The following PDLIM5 variants were observed in gnomAD, a reference collection of about 807,000 sequenced individuals.
PDLIM5 encodes PDZ and LIM domain 5.
A neutral mutation model predicts 64.2 loss-of-function variants in PDLIM5; 34 were observed. The observed-to-expected ratio is 0.53, with a 90% CI of 0.40 to 0.71. The LOEUF is 0.71. Among genes scored for constraint, PDLIM5 ranks in the 30% least tolerant of loss-of-function variants. PDLIM5 has a pLI of 0.00. For synonymous variants in PDLIM5, 253 were observed against 269.1 expected (o/e 0.94, Z 0.59); for missense variants, 683 against 733.6 (o/e 0.93, Z 0.80).
chr4:94,524,778 G>C (rs1164270975), intron 3 of PDLIM5, among the ~76,000 whole-genome samples: 4 of 152,032 alleles, frequency 2.6e-5, no homozygotes, highest in African/African-American at 9.7e-5. Context: ...ATTTCTGGAA[G>C]GAAAGACCAG....
intron 2 of PDLIM5, among the ~76,000 whole-genome samples, chr4:94,495,044 C>G (rs1289573671): frequency 1.3e-5 from 2 of 152,154 alleles, no homozygotes; most frequent in African/African-American, 4.8e-5. Flanking sequence ...CATGCCCGGC[C>G]CGACCATGTT....
At chr4:94,494,429 C>CTTTTTTTTTTT (rs1261064734) in intron 2 of PDLIM5, among the ~76,000 whole-genome samples, 4 of 51,592 alleles carry the variant, frequency 7.8e-5, no homozygotes, top group African/African-American at 1.9e-4. Flanking sequence ...TTTTTTTTTT[C>CTTTTTTTTTTT]TTGTTTTTTT....
chr4:94,482,816 G>A (rs1228200019), intron 2 of PDLIM5, among the ~76,000 whole-genome samples: 2 of 152,136 alleles, frequency 1.3e-5, no homozygotes, highest in Admixed American at 1.3e-4. Context: ...TTGGGCCCAG[G>A]GGGTCAAGGC....
At chr4:94,599,139 A>G (rs1429458600) in intron 7 of PDLIM5, among the ~76,000 whole-genome samples, 2 of 152,134 alleles carry the variant, frequency 1.3e-5, no homozygotes, top group Admixed American at 6.6e-5. Context: ...GTAACATCTG[A>G]TGTATATTTT....
intron 2 of PDLIM5, among the ~76,000 whole-genome samples, chr4:94,501,464 G>A (rs950479241): frequency 6.6e-6 from 1 of 152,102 alleles, no homozygotes; most frequent in Non-Finnish European, 1.5e-5. Context: ...CTGTGGATTT[G>A]TCAGTTTATG....
chr4:94,470,225 A>G (rs772885078), intron 2 of PDLIM5, among the ~76,000 whole-genome samples: 5 of 152,044 alleles, frequency 3.3e-5, no homozygotes, highest in Non-Finnish European at 5.9e-5. Context: ...CGGCCTCCCA[A>G]AGTGCTGGGA....
At chr4:94,543,056 C>A (rs1232322399) in intron 3 of PDLIM5, among the ~76,000 whole-genome samples, 5 of 152,166 alleles carry the variant, frequency 3.3e-5, no homozygotes, top group Non-Finnish European at 7.3e-5. Context: ...GATGAAGGTG[C>A]TTTGCATACT....
intron 7 of PDLIM5, among the ~76,000 whole-genome samples, chr4:94,597,266 A>G (rs1737137975): frequency 6.6e-6 from 1 of 152,176 alleles, no homozygotes; most frequent in Non-Finnish European, 1.5e-5. Flanking sequence ...GAGAAGTAAC[A>G]CTTAAGCAAA....
intron 7 of PDLIM5, chr4:94,588,229 G>T: frequency 3.2e-6 from 3 of 945,488 alleles, no homozygotes; most frequent in South Asian, 9.8e-5. Flanking sequence ...ATTTCATTTG[G>T]AAATCATTTT....
intron 8 of PDLIM5, among the ~76,000 whole-genome samples, chr4:94,621,734 T>G (rs2110406971): frequency 6.6e-6 from 1 of 152,354 alleles, no homozygotes; most frequent in East Asian, 1.9e-4. Flanking sequence ...TAATGAAATT[T>G]GTGAGAATAA....
chr4:94,455,146 T>G, intron 1 of PDLIM5, 101 bp from the exon 2 acceptor site: 1 of 559,882 alleles, frequency 1.8e-6, no homozygotes, highest in Non-Finnish European at 3.2e-6. Flanking sequence ...AAGACTTATC[T>G]TCTATATCCT....
chr4:94,609,728 A>G (rs1298590582), intron 7 of PDLIM5, among the ~76,000 whole-genome samples: 1 of 152,110 alleles, frequency 6.6e-6, no homozygotes. Context: ...CGCTGTCAGT[A>G]TATATCGTCT....
intron 3 of PDLIM5, among the ~76,000 whole-genome samples, chr4:94,547,059 G>A (rs1340484782): frequency 6.6e-6 from 1 of 151,996 alleles, no homozygotes; most frequent in Non-Finnish European, 1.5e-5. Context: ...AACTGAATTT[G>A]CTAGGTAAAT....
In PDLIM5 at chr4:94,512,182, G is replaced by A. The variant is rs1026841260; in HGVS notation, c.97-11542G>A. On this transcript the variant is annotated intron_variant, in intron 2 of 12. Coordinates refer to ENST00000317968, the MANE Select transcript of PDLIM5 (RefSeq NM_006457.5). ...ACTACTGGCATGCCCCACCACACCCGGCTAATTTTTGTAATTTTAGTAGAG... is the reference window on the plus strand; with the variant it reads ...ACTACTGGCATGCCCCACCACACCCAGCTAATTTTTGTAATTTTAGTAGAG... Among the ~76,000 whole-genome samples the A allele has an allele frequency of 9.2e-5, 14 of 152,054 alleles. 1 individual carries two copies. In the East Asian group the frequency reaches 2.5e-3, roughly 27 times the overall value.
intron 10 of PDLIM5, among the ~76,000 whole-genome samples, chr4:94,656,027 A>G (rs889824942): frequency 9.9e-5 from 15 of 152,196 alleles, no homozygotes; most frequent in African/African-American, 2.7e-4. Flanking sequence ...TCTATGGCTA[A>G]TAAGTCTATA....
chr4:94,559,342 A>T (rs975739436), intron 3 of PDLIM5, among the ~76,000 whole-genome samples: 1 of 152,196 alleles, frequency 6.6e-6, no homozygotes, highest in Non-Finnish European at 1.5e-5. Flanking sequence ...TCTGTTGCCA[A>T]ACATTTCTTC....
At chr4:94,662,349 C>A in intron 11 of PDLIM5, 73 bp from the exon 12 acceptor site, 3 of 695,496 alleles carry the variant, frequency 4.3e-6, no homozygotes, top group Admixed American at 2.0e-5. Context: ...GATTTTGTTG[C>A]TGCCTTCTAG....
chr4:94,506,134 T>G (rs772389472), intron 2 of PDLIM5, among the ~76,000 whole-genome samples: 2 of 152,208 alleles, frequency 1.3e-5, no homozygotes, highest in Non-Finnish European at 2.9e-5. Context: ...GGACCAAATA[T>G]GTATTTCATA....
At chr4:94,496,302 G>A (rs1201726573) in intron 2 of PDLIM5, among the ~76,000 whole-genome samples, 1 of 152,052 alleles carries the variant, frequency 6.6e-6, no homozygotes, top group Non-Finnish European at 1.5e-5. Context: ...TATATTAGAG[G>A]TCATTTTAAT....
Sources: allele counts gnomAD v4.1 joint callset (sites outside exome capture counted in the v4.1 genomes callset), GRCh38; gene constraint gnomAD v4.1.1; transcripts MANE v1.5; gene names NCBI Gene and HGNC (gene_info 2026-07-23, HGNC 2026-07-21).